Variants in TNFSF4 observed in about 807,000 individuals in gnomAD.
TNFSF4 encodes TNF superfamily member 4.
In TNFSF4, 4 loss-of-function variants were observed where a neutral mutation model predicts 7.3. That is an observed-to-expected ratio of 0.55 (90% CI 0.27 to 1.25). The LOEUF is 1.25. Among genes scored for constraint, TNFSF4 ranks in the 50% most tolerant of loss-of-function variants. The pLI, the probability that TNFSF4 is intolerant of heterozygous loss-of-function variation, is 0.12. For synonymous variants in TNFSF4, 76 were observed against 83.7 expected, an observed-to-expected ratio of 0.91 and a Z score of 0.50; for missense variants, 181 against 208.8, an observed-to-expected ratio of 0.87 and a Z score of 0.82.
chr1:173,188,186 T>A (rs1649313193), intron 2 of TNFSF4, among the ~76,000 whole-genome samples: 1 of 152,246 alleles, frequency 6.6e-6, no homozygotes, highest in Admixed American at 6.5e-5. Flanking sequence ...TGTCTTATAG[T>A]CAGACAGACT....
At chr1:173,322,645 AG>A in the TNFSF4 span, among the ~76,000 whole-genome samples, 30 of 152,234 alleles carry the variant, frequency 2.0e-4, no homozygotes, top group African/African-American at 7.2e-4. Flanking sequence ...AGTCAAAGAA[AG>A]GGGTGGCAGA....
the TNFSF4 span, among the ~76,000 whole-genome samples, chr1:173,368,699 C>T: frequency 6.7e-6 from 1 of 148,228 alleles, no homozygotes; most frequent in African/African-American, 2.7e-5. Flanking sequence ...CTTCGGGGTC[C>T]CGACAACAAG....
the TNFSF4 span, among the ~76,000 whole-genome samples, chr1:173,399,961 T>A: frequency 6.6e-6 from 1 of 152,238 alleles, no homozygotes; most frequent in South Asian, 2.1e-4. Context: ...GCAGACTGAT[T>A]ACACTGGATG....
the TNFSF4 span, among the ~76,000 whole-genome samples, chr1:173,443,065 G>A: frequency 5.3e-5 from 8 of 152,152 alleles, no homozygotes; most frequent in South Asian, 4.1e-4. Flanking sequence ...AGATGGGCAG[G>A]AAAGAAGGTG....
the TNFSF4 span, among the ~76,000 whole-genome samples, chr1:173,260,997 T>C: frequency 6.6e-6 from 1 of 152,112 alleles, no homozygotes; most frequent in South Asian, 2.1e-4. Context: ...ACCTGTTAGA[T>C]GGCTACAGAA....
chr1:173,363,239 G>T, the TNFSF4 span: 1 of 290,490 alleles, frequency 3.4e-6, no homozygotes, highest in South Asian at 3.8e-5. Flanking sequence ...TCTCTTTCTA[G>T]GGAAACCTGT....
the TNFSF4 span, among the ~76,000 whole-genome samples, chr1:173,216,890 CT>C: frequency 6.6e-6 from 1 of 152,260 alleles, no homozygotes. Flanking sequence ...TGTTCTTACC[CT>C]TATTCTTCCT....
chr1:173,444,541 C>A, the TNFSF4 span, among the ~76,000 whole-genome samples: 12,138 of 151,612 alleles, frequency 0.08, 742 homozygotes, highest in East Asian at 0.28. Context: ...TGAAAACTTT[C>A]AAATTTTCTG....
At chr1:173,411,027 G>A in the TNFSF4 span, among the ~76,000 whole-genome samples, 1 of 152,204 alleles carries the variant, frequency 6.6e-6, no homozygotes, top group African/African-American at 2.4e-5. Context: ...AAGGACTTGG[G>A]GGAAGTCCCT....
chr1:173,247,806 C>T, the TNFSF4 span, among the ~76,000 whole-genome samples: 3 of 152,062 alleles, frequency 2.0e-5, no homozygotes, highest in Non-Finnish European at 4.4e-5. Flanking sequence ...TACTATGTGC[C>T]AAGCTTCGTG....
At chr1:173,196,832 T>G (rs1185172995) in intron 1 of TNFSF4, among the ~76,000 whole-genome samples, 2 of 152,162 alleles carry the variant, frequency 1.3e-5, no homozygotes, top group African/African-American at 4.8e-5. Flanking sequence ...ACAGAGGGAT[T>G]TACTAAAACA....
At chr1:173,397,259 G>A in the TNFSF4 span, among the ~76,000 whole-genome samples, 71 of 152,116 alleles carry the variant, frequency 4.7e-4, no homozygotes, top group Non-Finnish European at 8.2e-4. Context: ...ATTTCCAAAC[G>A]AGATCGTTTT....
At chr1:173,179,149 T>A (rs201854369), downstream of TNFSF4, among the ~76,000 whole-genome samples, 1 of 152,182 alleles carries the variant, frequency 6.6e-6, no homozygotes, top group Non-Finnish European at 1.5e-5. Flanking sequence ...TTAAGCCACT[T>A]CGTTCGTGGT....
chr1:173,214,187 G>A, the TNFSF4 span, among the ~76,000 whole-genome samples: 4,262 of 152,176 alleles, frequency 0.028, 66 homozygotes, highest in Admixed American at 0.056. Context: ...CCTATGAAGC[G>A]GGTACTATTT....
the TNFSF4 span, among the ~76,000 whole-genome samples, chr1:173,257,546 A>C: frequency 6.6e-6 from 1 of 152,244 alleles, no homozygotes; most frequent in East Asian, 1.9e-4. Context: ...GTCAGGTTAG[A>C]TAACTTATTA....
chr1:173,236,422 A>G, the TNFSF4 span, among the ~76,000 whole-genome samples: 3 of 152,048 alleles, frequency 2.0e-5, no homozygotes, highest in East Asian at 3.9e-4. Flanking sequence ...ATTTCAAAAA[A>G]AAAAAAAAAA....
chr1:173,398,409 CTTTTTTT>C, the TNFSF4 span, among the ~76,000 whole-genome samples: 4 of 101,572 alleles, frequency 3.9e-5, no homozygotes, highest in East Asian at 5.6e-4. Context: ...TATTTCTTTT[CTTTTTTT>C]TTTTTTTTTT....
At chr1:173,290,160 G>A in the TNFSF4 span, among the ~76,000 whole-genome samples, 58 of 152,244 alleles carry the variant, frequency 3.8e-4, no homozygotes, top group African/African-American at 1.2e-3. Context: ...ACGGCACACT[G>A]ACACTATAAA....
At chr1:173,410,495 C>T in the TNFSF4 span, among the ~76,000 whole-genome samples, 143 of 152,350 alleles carry the variant, frequency 9.4e-4, no homozygotes, top group Non-Finnish European at 1.1e-3. Flanking sequence ...CCCATTTCTT[C>T]TTCTCAAATA....
Sources: gnomAD v4.1 joint callset for allele counts (sites outside exome capture counted in the v4.1 genomes callset) on GRCh38, gnomAD v4.1.1 for gene constraint, MANE v1.5 for transcripts, NCBI Gene and HGNC (gene_info 2026-07-23, HGNC 2026-07-21) for gene names.